Variants in MCFD2 observed in about 807,000 individuals in gnomAD.
MCFD2 encodes multiple coagulation factor deficiency protein 2.
A neutral mutation model predicts 12.8 loss-of-function variants in MCFD2; 11 were observed. The observed-to-expected ratio is 0.86, with a 90% confidence interval of 0.54 to 1.42. The LOEUF is 1.42. MCFD2 is among the 40% of genes most tolerant of loss of function. The pLI, the probability that MCFD2 is intolerant of heterozygous loss-of-function variation, is 0.00. For synonymous variants in MCFD2, 70 were observed against 68.1 expected (o/e 1.03, Z -0.14); for missense variants, 191 against 178.6 (o/e 1.07, Z -0.40).
In MCFD2 at chr2:46,905,431, T is replaced by A. The variant is rs964556981; in HGVS notation, c.*32A>T. 6 of 1,610,724 alleles carry A rather than the reference T, an allele frequency of 3.7e-6. No homozygotes were observed. The African/African-American group carries it at 4.0e-5, about 11-fold the overall frequency. On this transcript the variant is annotated 3_prime_UTR_variant, in exon 4 of 4. Coordinates refer to ENST00000319466, the MANE Select transcript of MCFD2 (RefSeq NM_139279.6). ...TCAATCACATTATCACGGGTCACAT[T>A]TGTATATAACCAGGAGATGGCCAAA...
intron 3 of MCFD2, among the ~76,000 whole-genome samples, chr2:46,906,305 C>T (rs1254115933): frequency 6.6e-6 from 1 of 152,072 alleles, no homozygotes; most frequent in Non-Finnish European, 1.5e-5. Flanking sequence ...CTTCCCTAAA[C>T]AATGCCATTC....
In MCFD2 at chr2:46,941,732, A is replaced by C. The variant is rs573720504; in HGVS notation, c.-168T>G. 5.2e-6 allele frequency: 8 copies of C among 1,549,424 alleles called. No homozygotes were observed. In the East Asian group the frequency reaches 1.7e-4, roughly 33 times the overall value. On this transcript the variant is annotated 5_prime_UTR_variant, in exon 1 of 3. Transcript: ENST00000409147. This position sits in a 1 kb window ranked among gnomAD's most constrained non-coding sequence, Gnocchi z 4.2. ...TTCACCTTTCCGGACACCGGTGAGT[A>C]AGGGAAGAGGCTGGCTCGCCGGCAG...
intron 1 of MCFD2, among the ~76,000 whole-genome samples, chr2:46,924,884 TC>T (rs1377873402): frequency 1.3e-5 from 2 of 152,260 alleles, no homozygotes; most frequent in African/African-American, 4.8e-5. Context: ...GCCTTGGCCT[TC>T]CAGAGTCCTA....
chr2:46,927,641 TGAGC>T, intron 1 of MCFD2, among the ~76,000 whole-genome samples: 1 of 152,128 alleles, frequency 6.6e-6, no homozygotes, highest in South Asian at 2.1e-4. Context: ...ATTACAGGCA[TGAGC>T]TACCGCGCCC....
chr2:46,907,487 C>T lies in MCFD2; in HGVS notation c.309+323G>A. ...ATAGCCTCGACATCCTGGACTCAAG[C>T]AATCCTCCCACCTTAGCCTCCTGAG... On this transcript the variant is annotated intron_variant, in intron 3 of 3. Transcript: ENST00000319466. The surrounding 1 kb of genome is among the most constrained non-coding windows in gnomAD (Gnocchi z 4.1). 2.7e-6 allele frequency: 1 copy of T among 372,424 alleles called. No homozygotes were observed. Among genetic ancestry groups the T allele is most frequent in the Non-Finnish European group, 5.2e-6 (1 of 193,388 alleles). The allele number at this position is 372,424 out of a possible 1,614,324, so 23.1% of individuals were successfully genotyped here. A position where few individuals can be genotyped will look rare whatever the true frequency, so the allele number is the denominator to read the frequency against.
At chr2:46,917,609 T>A (rs1668881160), upstream of MCFD2, among the ~76,000 whole-genome samples, 1 of 152,230 alleles carries the variant, frequency 6.6e-6, no homozygotes, top group African/African-American at 2.4e-5. Context: ...TTTCATTTTT[T>A]TCCTATGGAT....
chr2:46,927,115 G>A (rs1284522999), intron 1 of MCFD2, among the ~76,000 whole-genome samples: 1 of 152,112 alleles, frequency 6.6e-6, no homozygotes, highest in Non-Finnish European at 1.5e-5. Flanking sequence ...AGAGAATTCA[G>A]TGAGGTCTTA....
intron 1 of MCFD2, among the ~76,000 whole-genome samples, chr2:46,938,185 A>T (rs1235678327): frequency 1.3e-5 from 2 of 152,174 alleles, no homozygotes; most frequent in Non-Finnish European, 2.9e-5. Flanking sequence ...AAAAAGAAAA[A>T]AGCAAAAATC....
chr2:46,919,190 A>G (rs1334515761), upstream of MCFD2, among the ~76,000 whole-genome samples: 3 of 152,390 alleles, frequency 2.0e-5, no homozygotes, highest in African/African-American at 4.8e-5. Flanking sequence ...TAAACTACAT[A>G]TTACTTATTT....
chr2:46,937,567 G>C lies in MCFD2; in HGVS notation c.-8+4005C>G, dbSNP rs955782308. 1.4e-4 allele frequency among the ~76,000 whole-genome samples: 22 copies of C among 152,102 alleles called. No homozygotes were observed. The highest frequency in any genetic ancestry group is 4.8e-4 in the African/African-American group (20 of 41,412). On this transcript the variant is annotated intron_variant, in intron 1 of 2. Transcript: ENST00000409147. This position sits in a 1 kb window ranked among gnomAD's most constrained non-coding sequence, Gnocchi z 4.0. ...TAGGGGCCTCAGAAGCAAAACATTG[G>C]ATGAAAAAGTCAGAATGGAAAACCC...
At chr2:46,916,086 C>A (rs1431293782), upstream of MCFD2, 4 of 985,408 alleles carry the variant, frequency 4.1e-6, no homozygotes, top group Non-Finnish European at 4.8e-6. Flanking sequence ...GAACGTAGTT[C>A]CACGGGCGAC....
intron 1 of MCFD2, among the ~76,000 whole-genome samples, chr2:46,915,494 C>A (rs1668694306): frequency 6.6e-6 from 1 of 152,174 alleles, no homozygotes; most frequent in Non-Finnish European, 1.5e-5. Flanking sequence ...GGGAAGGGGG[C>A]GGAGATCTGC....
intron 1 of MCFD2, among the ~76,000 whole-genome samples, chr2:46,909,916 G>A (rs528164011): frequency 6.6e-6 from 1 of 152,286 alleles, no homozygotes; most frequent in Admixed American, 6.5e-5. Flanking sequence ...GTTTCAGAAT[G>A]ACTCATCTGG....
At position 46,941,218 on chromosome 2, in the gene MCFD2, G is replaced by T. The variant is rs1000812044; in HGVS notation, c.-8+354C>A. The T allele has an allele frequency of 1.3e-5, 2 of 149,720 alleles. No homozygotes were observed. The highest frequency in any genetic ancestry group is 3.0e-5 in the Non-Finnish European group (2 of 67,436). The allele number at this position is 149,720 out of a possible 1,614,324, so 9.3% of individuals were successfully genotyped here. ...GCTGGCGGCGCCGGGGCCCGGGGCG[G>T]AGGCTGTGGCAGCAGCTGCAGCGGC... On this transcript the variant is annotated intron_variant, in intron 1 of 2. Coordinates refer to the MCFD2 transcript ENST00000409147. This position sits in a 1 kb window ranked among gnomAD's most constrained non-coding sequence, Gnocchi z 4.2.
At chr2:46,924,181 G>A (rs1389081198) in intron 1 of MCFD2, among the ~76,000 whole-genome samples, 2 of 150,960 alleles carry the variant, frequency 1.3e-5, no homozygotes, top group East Asian at 1.9e-4. Flanking sequence ...TCCAGTCTGG[G>A]TGACAGAATG....
rs1352610125 is a variant in MCFD2 at position 46,941,437 on chromosome 2, T to G, written c.-8+135A>C. 1.1e-5 allele frequency: 14 copies of G among 1,251,670 alleles called. No individual in the cohort carries two copies. The highest frequency in any genetic ancestry group is 1.4e-5 in the Non-Finnish European group (14 of 975,220). 77.5% of individuals were successfully genotyped at this position (1,251,670 alleles called of 1,614,324 possible). On this transcript the variant is annotated intron_variant, in intron 1 of 2. Coordinates refer to the MCFD2 transcript ENST00000409147. This position sits in a 1 kb window ranked among gnomAD's most constrained non-coding sequence, Gnocchi z 4.2. ...TGCCGCCCGGGCCCCGGCTGCCGTC[T>G]GCGCCCCCGTCGACCCCGCCCGCGA... is the stretch of plus-strand genomic sequence containing the variant.
intron 1 of MCFD2, among the ~76,000 whole-genome samples, chr2:46,911,692 C>T (rs571386418): frequency 9.2e-5 from 14 of 151,940 alleles, no homozygotes; most frequent in African/African-American, 2.9e-4. Context: ...GAGGCCGAGG[C>T]GGGCAGATCA....
At chr2:46,921,570 A>G (rs1277955110) in intron 1 of MCFD2, among the ~76,000 whole-genome samples, 1 of 152,242 alleles carries the variant, frequency 6.6e-6, no homozygotes, top group Non-Finnish European at 1.5e-5. Flanking sequence ...GACAATAGTT[A>G]TCTTCATGCA....
intron 1 of MCFD2, among the ~76,000 whole-genome samples, chr2:46,926,863 A>G (rs1177964476): frequency 6.6e-6 from 1 of 152,230 alleles, no homozygotes; most frequent in Non-Finnish European, 1.5e-5. Context: ...CTATCTTCAA[A>G]GAAATAAAAG....
Sources: allele counts gnomAD v4.1 joint callset (sites outside exome capture counted in the v4.1 genomes callset), GRCh38; gene constraint gnomAD v4.1.1; non-coding constraint Gnocchi (gnomAD v3.1); transcripts MANE v1.5; gene names NCBI Gene and HGNC (gene_info 2026-07-23, HGNC 2026-07-21).